SAMD3: variants seen among roughly 807,000 people sequenced by gnomAD.
SAMD3 encodes sterile alpha motif domain-containing protein 3.
In SAMD3, 63 loss-of-function variants were observed where a neutral mutation model predicts 58.5. The ratio of observed to expected loss-of-function variants is 1.08; its 90% CI spans 0.88 to 1.33. The LOEUF is 1.33. SAMD3 is among the 40% of genes most tolerant of loss of function. The pLI is 0.00. For missense variants in SAMD3, 604 were observed against 608.4 expected (o/e 0.99, Z 0.08); for synonymous variants, 220 against 210.3 (o/e 1.05, Z -0.40).
At chr6:130,338,999 A>G (rs954697655) in intron 1 of SAMD3, among the ~76,000 whole-genome samples, 7 of 152,140 alleles carry the variant, frequency 4.6e-5, no homozygotes, top group Non-Finnish European at 8.8e-5. Flanking sequence ...GGCCAGGGGC[A>G]GAATGATATG....
chr6:130,284,251 T>G (rs779048969), intron 2 of SAMD3, among the ~76,000 whole-genome samples: 1 of 152,208 alleles, frequency 6.6e-6, no homozygotes, highest in Non-Finnish European at 1.5e-5. Context: ...TAACACTTAA[T>G]AAGAAGATGA....
intron 1 of SAMD3, among the ~76,000 whole-genome samples, chr6:130,348,516 A>G (rs2115032235): frequency 6.6e-6 from 1 of 152,328 alleles, no homozygotes; most frequent in South Asian, 2.1e-4. Context: ...TCAATTCAAC[A>G]AGAAGAGCTA....
At chr6:130,304,926 CTTTTTTTTTTTTTT>C (rs777084920) in intron 2 of SAMD3, among the ~76,000 whole-genome samples, 8 of 103,376 alleles carry the variant, frequency 7.7e-5, no homozygotes, top group Admixed American at 3.4e-4. Context: ...CATTTTCTTC[CTTTTTTTTTTTTTT>C]TTTTTTTTTT....
At chr6:130,361,575 A>C (rs965994044) in intron 1 of SAMD3, among the ~76,000 whole-genome samples, 1 of 152,236 alleles carries the variant, frequency 6.6e-6, no homozygotes, top group African/African-American at 2.4e-5. Context: ...GTTCTAATTT[A>C]ATAAAAACAG....
At chr6:130,248,510 A>G (rs1773632170) in intron 2 of SAMD3, among the ~76,000 whole-genome samples, 1 of 152,158 alleles carries the variant, frequency 6.6e-6, no homozygotes, top group South Asian at 2.1e-4. Flanking sequence ...AGAGTATTTG[A>G]TGCCTGAGAA....
chr6:130,291,142 G>A (rs1775348058), intron 2 of SAMD3, among the ~76,000 whole-genome samples: 1 of 152,172 alleles, frequency 6.6e-6, no homozygotes, highest in African/African-American at 2.4e-5. Context: ...CCAGGCTGGA[G>A]TGCAGTGGTG....
At chr6:130,331,470 C>T (rs1776930648) in intron 1 of SAMD3, among the ~76,000 whole-genome samples, 1 of 152,080 alleles carries the variant, frequency 6.6e-6, no homozygotes, top group South Asian at 2.1e-4. Flanking sequence ...CATCTGTAAT[C>T]CCAGCACTTT....
At position 130,187,035 on chromosome 6, in the gene SAMD3, G is replaced by A. The variant is rs182472115; in HGVS notation, c.384-2412C>T. Among the ~76,000 whole-genome samples the A allele has an allele frequency of 6.7e-3, 1,025 of 152,198 alleles. 10 individuals are homozygous for A. Among genetic ancestry groups the A allele is most frequent in the African/African-American group, 0.022 (929 of 41,540 alleles). On this transcript the variant is annotated intron_variant, in intron 5 of 11. Coordinates refer to ENST00000439090, the MANE Select transcript of SAMD3 (RefSeq NM_001017373.4). ...TCTGCCCACCTTGGCCTCCCAAAGC[G>A]CTGGGATTACAGGTGTGAGCCACCG...
At chr6:130,209,092 C>CT (rs1265660610) in intron 5 of SAMD3, among the ~76,000 whole-genome samples, 12 of 152,132 alleles carry the variant, frequency 7.9e-5, no homozygotes, top group Non-Finnish European at 1.6e-4. Context: ...GCTTACCTGC[C>CT]TCTATCGGGA....
chr6:130,265,708 G>A (rs940833282), intron 2 of SAMD3, among the ~76,000 whole-genome samples: 2 of 152,004 alleles, frequency 1.3e-5, no homozygotes, highest in Non-Finnish European at 2.9e-5. Flanking sequence ...TTTAAAATAA[G>A]ATTAAGAACT....
At chr6:130,184,222 C>T (rs992323705) in intron 6 of SAMD3, 35 bp from the exon 7 acceptor site, 18 of 1,521,860 alleles carry the variant, frequency 1.2e-5, no homozygotes, top group Admixed American at 1.8e-5. Context: ...TGTTTCACTT[C>T]AAGCAAACCA....
At chr6:130,331,816 T>C (rs1776943373) in intron 1 of SAMD3, among the ~76,000 whole-genome samples, 1 of 152,272 alleles carries the variant, frequency 6.6e-6, no homozygotes, top group South Asian at 2.1e-4. Context: ...TATGTATGTT[T>C]ATGTGCTTCT....
intron 1 of SAMD3, among the ~76,000 whole-genome samples, chr6:130,219,197 T>A (rs773631127): frequency 3.1e-4 from 47 of 152,162 alleles, no homozygotes; most frequent in Non-Finnish European, 1.0e-4. Context: ...TTTTCATACA[T>A]CACGGTCTGA....
chr6:130,343,777 C>T (rs1777349665), intron 1 of SAMD3, among the ~76,000 whole-genome samples: 1 of 152,116 alleles, frequency 6.6e-6, no homozygotes, highest in South Asian at 2.1e-4. Context: ...CCAGCCTAGC[C>T]AACATGGCGA....
At chr6:130,293,176 C>T (rs893701598) in intron 2 of SAMD3, among the ~76,000 whole-genome samples, 4 of 152,156 alleles carry the variant, frequency 2.6e-5, no homozygotes, top group Non-Finnish European at 4.4e-5. Flanking sequence ...TTTTATATTA[C>T]GGACCAACTC....
intron 2 of SAMD3, among the ~76,000 whole-genome samples, chr6:130,282,909 T>C (rs1225870009): frequency 6.6e-6 from 1 of 152,170 alleles, no homozygotes; most frequent in Non-Finnish European, 1.5e-5. Flanking sequence ...CCTCAACAGA[T>C]GCTATTCAGC....
chr6:130,289,744 C>G (rs544964663), intron 2 of SAMD3, among the ~76,000 whole-genome samples: 1 of 152,214 alleles, frequency 6.6e-6, no homozygotes, highest in Non-Finnish European at 1.5e-5. Flanking sequence ...AAGCCATCCA[C>G]CTCCCTTGGC....
chr6:130,217,180 A>C (rs1796048428), intron 1 of SAMD3, among the ~76,000 whole-genome samples: 1 of 152,218 alleles, frequency 6.6e-6, no homozygotes, highest in African/African-American at 2.4e-5. Flanking sequence ...AGAGTTAATA[A>C]AACAATATCA....
chr6:130,153,670 T>G (rs371132843), intron 9 of SAMD3, among the ~76,000 whole-genome samples: 3 of 71,556 alleles, frequency 4.2e-5, no homozygotes, highest in Non-Finnish European at 6.6e-5. Flanking sequence ...ATATATTTAT[T>G]TATTTATTTA....
Sources: allele counts gnomAD v4.1 joint callset (sites outside exome capture counted in the v4.1 genomes callset), GRCh38; gene constraint gnomAD v4.1.1; transcripts MANE v1.5; gene names NCBI Gene and HGNC (gene_info 2026-07-23, HGNC 2026-07-21).